Variants in GSTCD observed in about 807,000 individuals in gnomAD.
The protein encoded by GSTCD is glutathione S-transferase C-terminal domain containing, also known as glutathione S-transferase C-terminal domain-containing protein.
Under a neutral mutation model 68.3 loss-of-function variants are expected in GSTCD, and 44 were observed. The ratio of observed to expected loss-of-function variants is 0.64; its 90% CI spans 0.51 to 0.83. The LOEUF (loss-of-function observed/expected upper bound fraction) is 0.83, where lower values mean the gene tolerates loss of function less well. Ranked by LOEUF, GSTCD falls within the 40% of genes least tolerant of loss-of-function variation. The probability of loss-of-function intolerance (pLI) is 0.00; values close to 1 mark genes in which losing one functional copy is unlikely to be tolerated. For missense variants in GSTCD, 739 were observed against 735.9 expected (o/e 1.00, Z -0.05); for synonymous variants, 273 against 255.2 (o/e 1.07, Z -0.67).
rs115962193 is a variant in GSTCD, at chr4:105,805,407, G to C, written c.1241-17547G>C. On this transcript the variant is annotated intron_variant, in intron 5 of 11. Transcript: ENST00000515279. ...CAGCTTCCCTTTTATTAAAACTCGAGAAGGCACATCTATTTTGAAAGGTTT... is the reference window on the plus strand; with the variant it reads ...CAGCTTCCCTTTTATTAAAACTCGACAAGGCACATCTATTTTGAAAGGTTT... 8.3e-3 allele frequency among the ~76,000 whole-genome samples: 1,260 copies of C among 152,166 alleles called. 10 individuals are homozygous for C. The highest frequency in any genetic ancestry group is 0.027 in the Middle Eastern group (8 of 294).
At chr4:105,755,713 T>TA (rs1384199108) in intron 5 of GSTCD, among the ~76,000 whole-genome samples, 1 of 152,150 alleles carries the variant, frequency 6.6e-6, no homozygotes, top group Non-Finnish European at 1.5e-5. Context: ...TTTTTAAGCT[T>TA]AAAAACAATA....
chr4:105,722,115 C>T (rs1578409240), intron 3 of GSTCD, among the ~76,000 whole-genome samples: 1 of 152,052 alleles, frequency 6.6e-6, no homozygotes, highest in Non-Finnish European at 1.5e-5. Flanking sequence ...AATTTGACCA[C>T]TTATGATTTA....
chr4:105,729,561 T>C, intron 5 of GSTCD, 62 bp downstream of exon 5: 1 of 1,026,068 alleles, frequency 9.7e-7, no homozygotes, highest in Non-Finnish European at 1.5e-6. Flanking sequence ...AGATATGTCT[T>C]CTAATTCTCT....
At chr4:105,761,997 A>T (rs1302109788) in intron 5 of GSTCD, 1 of 152,142 alleles carries the variant, frequency 6.6e-6, no homozygotes, top group Admixed American at 6.5e-5. Flanking sequence ...AAGGGAGAAA[A>T]TTCCCTAGGT....
chr4:105,719,006 G>A lies in GSTCD; in HGVS notation c.427-54G>A, dbSNP rs952759544. Reference sequence around the variant, plus strand: ...CAATAAGACAGTTATTTTTTCTAAAGTTATATTGAAATTAAAAAATCTTTT... The same window carrying A: ...CAATAAGACAGTTATTTTTTCTAAAATTATATTGAAATTAAAAAATCTTTT... On this transcript the variant is annotated intron_variant, in intron 2 of 11. Coordinates refer to ENST00000515279, the MANE Select transcript of GSTCD (RefSeq NM_001370181.1). 6 of 1,355,976 alleles carry A rather than the reference G, an allele frequency of 4.4e-6. No homozygotes were observed. In the African/African-American group the frequency reaches 8.8e-5, roughly 20 times the overall value. The allele number at this position is 1,355,976 out of a possible 1,614,324, so 84.0% of individuals were successfully genotyped here. A position where few individuals can be genotyped will look rare whatever the true frequency, so the allele number is the denominator to read the frequency against.
At chr4:105,844,838 T>C (rs1464962799) in intron 11 of GSTCD, among the ~76,000 whole-genome samples, 3 of 152,192 alleles carry the variant, frequency 2.0e-5, no homozygotes, top group Admixed American at 1.3e-4. Flanking sequence ...CCAAAGATTG[T>C]AAATGAAATA....
chr4:105,781,447 G>A (rs1448466098), intron 5 of GSTCD, among the ~76,000 whole-genome samples: 1 of 150,744 alleles, frequency 6.6e-6, no homozygotes, highest in East Asian at 1.9e-4. Flanking sequence ...TAGAGATGGA[G>A]CCTTTTGCTT....
chr4:105,744,604 G>A (rs1329129604), intron 5 of GSTCD, among the ~76,000 whole-genome samples: 1 of 152,098 alleles, frequency 6.6e-6, no homozygotes, highest in Non-Finnish European at 1.5e-5. Context: ...TAATGCTCAA[G>A]TTATCCCAGG....
chr4:105,806,799 C>T (rs1433668020), intron 5 of GSTCD, among the ~76,000 whole-genome samples: 2 of 152,094 alleles, frequency 1.3e-5, no homozygotes, highest in Non-Finnish European at 2.9e-5. Flanking sequence ...AACACACCAA[C>T]ATATCTGTTT....
chr4:105,736,315 C>T (rs1733462392), intron 5 of GSTCD, among the ~76,000 whole-genome samples: 1 of 152,092 alleles, frequency 6.6e-6, no homozygotes, highest in Admixed American at 6.6e-5. Context: ...TTACCTCAAT[C>T]TGTGGTAATC....
intron 8 of GSTCD, chr4:105,827,106 A>G (rs965531629): frequency 2.0e-5 from 3 of 152,188 alleles, no homozygotes; most frequent in African/African-American, 7.2e-5. Context: ...TTCAAATTAA[A>G]AAATACCTGT....
At chr4:105,719,982 T>C (rs1238953297) in intron 3 of GSTCD, among the ~76,000 whole-genome samples, 4 of 152,210 alleles carry the variant, frequency 2.6e-5, no homozygotes, top group Non-Finnish European at 5.9e-5. Context: ...CTAAATTTTA[T>C]AATGAATTGT....
intron 5 of GSTCD, among the ~76,000 whole-genome samples, chr4:105,747,191 G>C (rs931571183): frequency 1.3e-5 from 2 of 152,236 alleles, no homozygotes; most frequent in Non-Finnish European, 2.9e-5. Flanking sequence ...AACAAAGAAT[G>C]GTCTGATCCA....
chr4:105,756,273 T>G (rs1734186218), intron 5 of GSTCD, among the ~76,000 whole-genome samples: 1 of 151,996 alleles, frequency 6.6e-6, no homozygotes, highest in African/African-American at 2.4e-5. Flanking sequence ...ACATGATTGA[T>G]TATTAATTCA....
At position 105,786,265 on chromosome 4, in the gene GSTCD, C is replaced by T. The variant is rs371474361; in HGVS notation, c.1241-36689C>T. Among the ~76,000 whole-genome samples, 12 of 151,218 alleles carry T rather than the reference C, an allele frequency of 7.9e-5. No homozygotes were observed. The East Asian group carries it at 2.3e-3, about 29-fold the overall frequency. ...TGGCTCATGCCTGTAAATCCTAGCACTTTCGGAGGCTGAGGCAGGCAGATC... is the reference window on the plus strand; with the variant it reads ...TGGCTCATGCCTGTAAATCCTAGCATTTTCGGAGGCTGAGGCAGGCAGATC... On this transcript the variant is annotated intron_variant, in intron 5 of 11. Transcript: ENST00000515279.
intron 5 of GSTCD, among the ~76,000 whole-genome samples, chr4:105,787,918 A>G (rs767065354): frequency 2.0e-5 from 3 of 152,092 alleles, no homozygotes; most frequent in African/African-American, 4.8e-5. Context: ...GAACATCATA[A>G]CCTTCACATA....
chr4:105,786,998 G>A (rs1735491709), intron 5 of GSTCD, among the ~76,000 whole-genome samples: 1 of 152,006 alleles, frequency 6.6e-6, no homozygotes, highest in African/African-American at 2.4e-5. Context: ...ACACCCACGA[G>A]AATTGAAAAC....
intron 4 of GSTCD, among the ~76,000 whole-genome samples, chr4:105,727,690 CAA>C (rs565298989): frequency 5.2e-5 from 7 of 135,284 alleles, no homozygotes; most frequent in Admixed American, 1.5e-4. Flanking sequence ...AACCCTGTTT[CAA>C]AAAAAAAAAA....
chr4:105,799,106 C>T (rs1250112514), intron 5 of GSTCD, among the ~76,000 whole-genome samples: 1 of 152,164 alleles, frequency 6.6e-6, no homozygotes, highest in Non-Finnish European at 1.5e-5. Context: ...ATAAACCAAT[C>T]TCTGCTAGGC....
Sources: gnomAD v4.1 joint callset for allele counts (sites outside exome capture counted in the v4.1 genomes callset) on GRCh38, gnomAD v4.1.1 for gene constraint, MANE v1.5 for transcripts, NCBI Gene and HGNC (gene_info 2026-07-23, HGNC 2026-07-21) for gene names.